COL21A1: variants seen among roughly 807,000 people sequenced by gnomAD.
COL21A1 encodes collagen type XXI alpha 1 chain, also known as collagen alpha-1(XXI) chain.
Under a neutral mutation model 137.9 loss-of-function variants are expected in COL21A1, and 149 were observed. That is an observed-to-expected ratio of 1.08 (90% CI 0.95 to 1.24). The LOEUF (loss-of-function observed/expected upper bound fraction) is 1.24. Ranked by LOEUF, COL21A1 falls within the 50% of genes most tolerant of loss-of-function variation. The pLI, the probability that COL21A1 is intolerant of heterozygous loss-of-function variation, is 0.00. For synonymous variants in COL21A1, 456 were observed against 391.5 expected (o/e 1.16, Z -1.95); for missense variants, 1,167 against 1,158.4 (o/e 1.01, Z -0.11).
intron 1 of COL21A1, among the ~76,000 whole-genome samples, chr6:56,327,238 A>C (rs1432132953): frequency 2.6e-5 from 4 of 151,936 alleles, no homozygotes; most frequent in Admixed American, 2.6e-4. Context: ...GTGTGAGTAG[A>C]AATAAATAAT....
intron 1 of COL21A1, among the ~76,000 whole-genome samples, chr6:56,308,024 C>T (rs1377200112): frequency 6.6e-6 from 1 of 152,200 alleles, no homozygotes; most frequent in South Asian, 2.1e-4. Context: ...GGAAATTCTG[C>T]AATATGCAAC....
chr6:56,345,223 G>T (rs1765568843), intron 1 of COL21A1, among the ~76,000 whole-genome samples: 1 of 152,124 alleles, frequency 6.6e-6, no homozygotes, highest in Non-Finnish European at 1.5e-5. Flanking sequence ...GGAAACATTT[G>T]AGTTAGGAGT....
intron 1 of COL21A1, among the ~76,000 whole-genome samples, chr6:56,328,613 T>C (rs1378676026): frequency 6.6e-6 from 1 of 152,136 alleles, no homozygotes; most frequent in African/African-American, 2.4e-5. Context: ...CAAGTTATAA[T>C]GAAGCATTAA....
At chr6:56,129,856 A>C (rs1773378992) in intron 12 of COL21A1, among the ~76,000 whole-genome samples, 1 of 151,878 alleles carries the variant, frequency 6.6e-6, no homozygotes, top group Admixed American at 6.6e-5. Flanking sequence ...TTAGGGGAAG[A>C]CCAAATGACA....
At chr6:56,359,504 G>GT (rs896579835) in intron 1 of COL21A1, among the ~76,000 whole-genome samples, 2 of 152,078 alleles carry the variant, frequency 1.3e-5, no homozygotes, top group African/African-American at 4.8e-5. Flanking sequence ...GTTGGTTTGG[G>GT]TTTTTTTCTG....
intron 16 of COL21A1, among the ~76,000 whole-genome samples, chr6:56,119,090 C>A (rs1245683042): frequency 6.6e-6 from 1 of 151,960 alleles, no homozygotes; most frequent in Non-Finnish European, 1.5e-5. Context: ...AGAAATCAGA[C>A]AAGAGAAAGT....
intron 29 of COL21A1, among the ~76,000 whole-genome samples, chr6:56,058,223 TGA>T (rs1562128500): frequency 6.6e-6 from 1 of 152,186 alleles, no homozygotes; most frequent in Non-Finnish European, 1.5e-5. Flanking sequence ...AAGCCAAAGC[TGA>T]GTCATTTTTG....
At chr6:56,243,206 C>T (rs183300074) in intron 1 of COL21A1, among the ~76,000 whole-genome samples, 1 of 152,234 alleles carries the variant, frequency 6.6e-6, no homozygotes, top group Admixed American at 6.5e-5. Context: ...GATTACTTTA[C>T]TCTTTTCACA....
At chr6:56,272,306 G>T (rs1390461969) in intron 1 of COL21A1, among the ~76,000 whole-genome samples, 4 of 152,212 alleles carry the variant, frequency 2.6e-5, no homozygotes, top group African/African-American at 9.6e-5. Flanking sequence ...AAGATTTAAT[G>T]AGTGCCCTGC....
intron 1 of COL21A1, among the ~76,000 whole-genome samples, chr6:56,229,643 A>C (rs1173598964): frequency 6.6e-6 from 1 of 151,800 alleles, no homozygotes. Context: ...CACATTCCTC[A>C]TTTTAGGATT....
intron 1 of COL21A1, among the ~76,000 whole-genome samples, chr6:56,333,048 T>C (rs1477746773): frequency 3.3e-5 from 5 of 152,124 alleles, no homozygotes; most frequent in Non-Finnish European, 2.9e-5. Flanking sequence ...CCTGCACTTA[T>C]GCTTCAGAAG....
Position 56,304,236 on chromosome 6 carries a change from G to A in COL21A1, c.-39+89735C>T, listed in dbSNP as rs548579381. 2.6e-5 allele frequency among the ~76,000 whole-genome samples: 4 copies of A among 152,132 alleles called. No homozygotes were observed. In the East Asian group the frequency reaches 5.8e-4, roughly 22 times the overall value. Reference sequence around the variant, plus strand: ...TGCCCAGCTTTGGTATCAGGATGATGCTGGCCTCATAAAATGAGTTAGGGA... The same window carrying A: ...TGCCCAGCTTTGGTATCAGGATGATACTGGCCTCATAAAATGAGTTAGGGA... On this transcript the variant is annotated intron_variant, in intron 1 of 28. Transcript: ENST00000370819.
intron 16 of COL21A1, among the ~76,000 whole-genome samples, chr6:56,101,887 C>T (rs901454243): frequency 1.3e-5 from 2 of 151,998 alleles, no homozygotes; most frequent in African/African-American, 2.4e-5. Context: ...AAATTGATCA[C>T]TATGTTGGAC....
At chr6:56,127,362 G>A (rs900904324) in intron 12 of COL21A1, among the ~76,000 whole-genome samples, 2 of 152,080 alleles carry the variant, frequency 1.3e-5, no homozygotes, top group African/African-American at 2.4e-5. Flanking sequence ...TAAACTGATT[G>A]TTATATTGAA....
intron 1 of COL21A1, among the ~76,000 whole-genome samples, chr6:56,260,652 GA>G: frequency 2.4e-5 from 1 of 41,586 alleles, no homozygotes; most frequent in Non-Finnish European, 6.0e-5. Flanking sequence ...AGGAAGGAAG[GA>G]AGGAATGAAG....
chr6:56,232,407 T>A (rs1397117331), intron 1 of COL21A1, among the ~76,000 whole-genome samples: 1 of 151,936 alleles, frequency 6.6e-6, no homozygotes, highest in African/African-American at 2.4e-5. Context: ...ATTAAATATT[T>A]TGAAAAATTC....
chr6:56,257,746 C>T (rs2328693), intron 1 of COL21A1, among the ~76,000 whole-genome samples: 38,082 of 151,998 alleles, frequency 0.25, 6,116 homozygotes, highest in East Asian at 0.67. Context: ...AATTTAAATT[C>T]ATGTAATTTT....
At chr6:56,120,799 T>TA (rs34706290) in intron 16 of COL21A1, among the ~76,000 whole-genome samples, 224 of 136,316 alleles carry the variant, frequency 1.6e-3, no homozygotes, top group South Asian at 2.4e-3. Flanking sequence ...TGTCTCAATT[T>TA]AAAAAAAAAA....
At chr6:56,161,809 T>C (rs926606293) in intron 9 of COL21A1, among the ~76,000 whole-genome samples, 6 of 152,286 alleles carry the variant, frequency 3.9e-5, no homozygotes, top group Admixed American at 3.9e-4. Context: ...TTTGCAACAG[T>C]GTTGTCATAT....
Sources: allele counts gnomAD v4.1 joint callset (sites outside exome capture counted in the v4.1 genomes callset), GRCh38; gene constraint gnomAD v4.1.1; transcripts MANE v1.5; gene names NCBI Gene and HGNC (gene_info 2026-07-23, HGNC 2026-07-21).